TENM4: variants seen among roughly 807,000 people sequenced by gnomAD.
TENM4 encodes the protein teneurin-4.
TENM4 carries 82 observed loss-of-function variants against 243.3 expected under a neutral mutation model. That is an observed-to-expected ratio of 0.34 (90% CI 0.28 to 0.40). The LOEUF (loss-of-function observed/expected upper bound fraction) is 0.40. Among genes scored for constraint, TENM4 ranks in the 10% least tolerant of loss-of-function variants. TENM4 has a pLI of 1.00. For missense variants in TENM4, 3,138 were observed against 3,673.3 expected, an observed-to-expected ratio of 0.85 and a Z score of 3.77; for synonymous variants, 1,412 against 1,456.3, an observed-to-expected ratio of 0.97 and a Z score of 0.69.
chr11:79,046,289 TG>T (rs1209465277), intron 6 of TENM4, among the ~76,000 whole-genome samples: 2 of 152,162 alleles, frequency 1.3e-5, no homozygotes, highest in Admixed American at 1.3e-4. Context: ...ACTGCTCCAT[TG>T]TTCAGAACAA....
At chr11:78,896,926 C>A (rs1232079846) in intron 7 of TENM4, among the ~76,000 whole-genome samples, 1 of 152,128 alleles carries the variant, frequency 6.6e-6, no homozygotes, top group African/African-American at 2.4e-5. Flanking sequence ...AAGACAGCAG[C>A]CCTGACTGCT....
chr11:79,101,566 G>A (rs1182743477), intron 4 of TENM4, among the ~76,000 whole-genome samples: 1 of 152,234 alleles, frequency 6.6e-6, no homozygotes, highest in South Asian at 2.1e-4. Flanking sequence ...GGAGGGCTGA[G>A]TAATCCTGCA....
intron 6 of TENM4, among the ~76,000 whole-genome samples, chr11:78,922,122 A>G (rs1856461249): frequency 6.6e-6 from 1 of 152,248 alleles, no homozygotes; most frequent in Non-Finnish European, 1.5e-5. Flanking sequence ...AATGCCTATC[A>G]GATGTCCATG....
intron 6 of TENM4, among the ~76,000 whole-genome samples, chr11:78,958,511 A>T (rs1176853224): frequency 6.6e-6 from 1 of 152,218 alleles, no homozygotes; most frequent in Admixed American, 6.5e-5. Context: ...GGATTTTGAT[A>T]AGAGAAAAAG....
chr11:79,138,888 A>AAATATATATTATATTTATATAAATATAT (rs1862184294), intron 4 of TENM4, among the ~76,000 whole-genome samples: 3 of 117,032 alleles, frequency 2.6e-5, no homozygotes, highest in South Asian at 2.4e-4. Context: ...TAAATATATA[A>AAATATATATTATATTTATATAAATATAT]AATATATATT....
intron 6 of TENM4, among the ~76,000 whole-genome samples, chr11:78,977,541 G>C (rs1857689361): frequency 6.6e-6 from 1 of 152,186 alleles, no homozygotes. Flanking sequence ...CTGTCTACTA[G>C]ACTACCTTGT....
At chr11:78,730,388 T>C (rs911540610) in intron 21 of TENM4, among the ~76,000 whole-genome samples, 1 of 152,192 alleles carries the variant, frequency 6.6e-6, no homozygotes, top group East Asian at 1.9e-4. Context: ...CAAATAATTA[T>C]GCAGAGTTCA....
At chr11:79,045,688 C>A (rs1482460246) in intron 6 of TENM4, among the ~76,000 whole-genome samples, 2 of 151,278 alleles carry the variant, frequency 1.3e-5, no homozygotes, top group African/African-American at 4.9e-5. Flanking sequence ...TCTCTGGGAC[C>A]TGTTCCTAAT....
At position 79,092,454 on chromosome 11, in the gene TENM4, G is replaced by A. The variant is rs578111086; in HGVS notation, c.-65-22445C>T. ...AAGTTCTCGGGAGACTGCGTCATTC[G>A]CATGGACCCAGCTTTGTCCCCCATC... On this transcript the variant is annotated intron_variant, in intron 4 of 33. Coordinates refer to ENST00000278550, the MANE Select transcript of TENM4 (RefSeq NM_001098816.3). Among the ~76,000 whole-genome samples, 12 of 152,242 alleles carry A rather than the reference G, an allele frequency of 7.9e-5. No individual in the cohort carries two copies. The South Asian group carries it at 8.3e-4, about 11-fold the overall frequency.
chr11:78,692,641 C>T (rs1400346991), intron 28 of TENM4, among the ~76,000 whole-genome samples: 6 of 152,124 alleles, frequency 3.9e-5, no homozygotes, highest in Middle Eastern at 3.2e-3. Flanking sequence ...TGTGCTTCCT[C>T]GTGTCAATGA....
At chr11:78,740,131 A>C (rs1321960593) in intron 19 of TENM4, among the ~76,000 whole-genome samples, 2 of 152,244 alleles carry the variant, frequency 1.3e-5, no homozygotes, top group East Asian at 3.9e-4. Flanking sequence ...CTTCTGGCCT[A>C]GGGAAGAGCT....
At chr11:78,973,348 G>C (rs1857583692) in intron 6 of TENM4, among the ~76,000 whole-genome samples, 1 of 152,182 alleles carries the variant, frequency 6.6e-6, no homozygotes, top group Non-Finnish European at 1.5e-5. Context: ...GTTATTATCT[G>C]ACTTTTTTAT....
chr11:79,273,044 A>G (rs938241554), intron 2 of TENM4, among the ~76,000 whole-genome samples: 2 of 152,176 alleles, frequency 1.3e-5, no homozygotes, highest in African/African-American at 2.4e-5. Flanking sequence ...CTTACCCAAA[A>G]GAGCACAGGC....
At chr11:79,044,258 A>T (rs1859605146) in intron 6 of TENM4, among the ~76,000 whole-genome samples, 1 of 152,258 alleles carries the variant, frequency 6.6e-6, no homozygotes, top group Admixed American at 6.5e-5. Context: ...TTTCAAAAAC[A>T]AACACAAACA....
Position 78,903,306 on chromosome 11 carries a change from C to A in TENM4, c.711G>T (p.Glu237Asp), listed in dbSNP as rs377037323. The A allele has an allele frequency of 6.7e-7, 1 of 1,487,110 alleles. No homozygotes were observed. The allele number at this position is 1,487,110 out of a possible 1,614,324, so 92.1% of individuals were successfully genotyped here. ...GGAQEPAHAQ[E>D]NWLLNSNIPL... is the part of the protein sequence containing the mutation. ...GGATGTTGCTGTTGAGCAGCCAGTT[C>A]TCCTGGGCGTGGGCAGGCTCCTGGG... Residue 237 changes from glutamate to aspartate, a missense_variant, in exon 7 of 34, where the codon GAG becomes GAT. Physicochemically the swap from Glu to Asp is conservative, Grantham distance 45. Transcript: ENST00000278550.
At chr11:79,157,986 C>T (rs919807787) in intron 3 of TENM4, among the ~76,000 whole-genome samples, 1 of 152,118 alleles carries the variant, frequency 6.6e-6, no homozygotes, top group Non-Finnish European at 1.5e-5. Context: ...GTCCTCATTC[C>T]ACTACACGTC....
intron 25 of TENM4, 122 bp downstream of exon 25, chr11:78,720,248 A>C (rs965115533): frequency 3.4e-6 from 4 of 1,160,230 alleles, no homozygotes; most frequent in South Asian, 1.2e-5. Context: ...GATTACCCCA[A>C]TCAGTTCCAA....
intron 6 of TENM4, among the ~76,000 whole-genome samples, chr11:78,977,222 C>T (rs1034636674): frequency 6.6e-6 from 1 of 152,196 alleles, no homozygotes. Flanking sequence ...CTGAGAACAC[C>T]AGTCATAGTG....
intron 2 of TENM4, among the ~76,000 whole-genome samples, chr11:79,249,583 C>T (rs997158889): frequency 1.3e-5 from 2 of 152,228 alleles, no homozygotes; most frequent in African/African-American, 2.4e-5. Flanking sequence ...GCCAAAAAGC[C>T]TCTCAGCAAC....
Sources: allele counts gnomAD v4.1 joint callset (sites outside exome capture counted in the v4.1 genomes callset), GRCh38; gene constraint gnomAD v4.1.1; transcripts MANE v1.5; gene names NCBI Gene and HGNC (gene_info 2026-07-23, HGNC 2026-07-21).